The following INTS15 variants were observed in gnomAD, a reference collection of about 807,000 sequenced individuals.
INTS15 encodes the protein integrator complex subunit 15.
the INTS15 span, among the ~76,000 whole-genome samples, chr7:6,596,242 G>C: frequency 6.6e-6 from 1 of 151,956 alleles, no homozygotes; most frequent in African/African-American, 2.4e-5. Flanking sequence ...TTTTAGTAGA[G>C]ATGGGGTTTC....
chr7:6,590,625 C>T, the INTS15 span: 4 of 1,383,262 alleles, frequency 2.9e-6, no homozygotes, highest in Middle Eastern at 2.6e-4. Context: ...AGCCCCCAAA[C>T]CCTTCTCCGG....
chr7:6,590,795 C>A, the INTS15 span, among the ~76,000 whole-genome samples: 1 of 152,074 alleles, frequency 6.6e-6, no homozygotes, highest in South Asian at 2.1e-4. Flanking sequence ...GTATAATGAT[C>A]TGTATGGCTT....
chr7:6,596,359 T>G, the INTS15 span, among the ~76,000 whole-genome samples: 6 of 149,960 alleles, frequency 4.0e-5, no homozygotes, highest in Admixed American at 2.7e-4. Flanking sequence ...CAGCCGAGCC[T>G]TCTTTTATCT....
chr7:6,602,609 A>G, the INTS15 span: 3 of 459,350 alleles, frequency 6.5e-6, no homozygotes, highest in Non-Finnish European at 9.2e-6. Context: ...ACCTGTCTCT[A>G]TGCCTCAGCT....
chr7:6,597,398 G>A, the INTS15 span, among the ~76,000 whole-genome samples: 10 of 152,052 alleles, frequency 6.6e-5, no homozygotes, highest in East Asian at 1.4e-3. Context: ...AGGTTTAAGC[G>A]AGTCTCCTGC....
the INTS15 span, chr7:6,608,098 G>GGCCCCCCCCCCCCCCCCCC: frequency 5.3e-6 from 7 of 1,311,294 alleles, no homozygotes; most frequent in Non-Finnish European, 7.1e-6. Context: ...ACCCCGCCCT[G>GGCCCCCCCCCCCCCCCCCC]CCCACGCATC....
the INTS15 span, among the ~76,000 whole-genome samples, chr7:6,596,775 T>A: frequency 6.6e-6 from 1 of 151,844 alleles, no homozygotes; most frequent in Non-Finnish European, 1.5e-5. Context: ...TACGCTAATT[T>A]CTTTCTTTCT....
At chr7:6,601,367 C>T in the INTS15 span, among the ~76,000 whole-genome samples, 1 of 151,840 alleles carries the variant, frequency 6.6e-6, no homozygotes, top group Admixed American at 6.6e-5. Context: ...GCGATCTCGG[C>T]TCATTGCAAC....
chr7:6,608,439 T>G, the INTS15 span: 6 of 1,311,676 alleles, frequency 4.6e-6, no homozygotes, highest in East Asian at 1.4e-4. Context: ...CTCTGCGCAT[T>G]TCAGACACAG....
chr7:6,600,226 A>G, the INTS15 span: 63 of 1,614,040 alleles, frequency 3.9e-5, no homozygotes, highest in Middle Eastern at 1.6e-4. Flanking sequence ...TCCCGCTGGT[A>G]GAGGAGATCA....
the INTS15 span, among the ~76,000 whole-genome samples, chr7:6,597,836 C>T: frequency 3.3e-5 from 5 of 152,316 alleles, no homozygotes; most frequent in African/African-American, 7.2e-5. Flanking sequence ...TGACTGAAAC[C>T]GCTGTTGGGC....
the INTS15 span, among the ~76,000 whole-genome samples, chr7:6,601,147 T>G: frequency 6.6e-6 from 1 of 152,054 alleles, no homozygotes. Context: ...TTTAAAAAGA[T>G]TTTTGTAGAG....
the INTS15 span, chr7:6,608,526 A>T: frequency 8.8e-7 from 1 of 1,136,848 alleles, no homozygotes; most frequent in South Asian, 2.1e-5. Flanking sequence ...CGTGAAGACG[A>T]TGTGTCCCCG....
chr7:6,598,485 A>AAC, the INTS15 span, among the ~76,000 whole-genome samples: 2 of 148,904 alleles, frequency 1.3e-5, no homozygotes, highest in South Asian at 2.1e-4. Flanking sequence ...AAAAAAAAAA[A>AAC]GGCACACAGG....
chr7:6,593,687 C>G, the INTS15 span, among the ~76,000 whole-genome samples: 1 of 141,252 alleles, frequency 7.1e-6, no homozygotes, highest in Non-Finnish European at 1.5e-5. Flanking sequence ...TGCTCTGTTG[C>G]TCATGCTGGA....
At chr7:6,605,729 C>T in the INTS15 span, among the ~76,000 whole-genome samples, 5 of 152,110 alleles carry the variant, frequency 3.3e-5, no homozygotes, top group Admixed American at 2.6e-4. Context: ...GACAGAGTCT[C>T]GCTCTGTCAC....
At chr7:6,596,201 G>A in the INTS15 span, among the ~76,000 whole-genome samples, 14 of 151,760 alleles carry the variant, frequency 9.2e-5, 1 homozygote, top group African/African-American at 2.4e-4. Context: ...GACTACAGGC[G>A]CGCACCACCA....
the INTS15 span, chr7:6,602,621 A>G: frequency 4.3e-6 from 2 of 465,748 alleles, no homozygotes; most frequent in Non-Finnish European, 9.0e-6. Context: ...GCCTCAGCTT[A>G]CCCCGTTGTA....
At chr7:6,594,336 G>C in the INTS15 span, 1 of 1,213,646 alleles carries the variant, frequency 8.2e-7, no homozygotes, top group Non-Finnish European at 1.2e-6. Flanking sequence ...TCTTGGAAGT[G>C]GTTCTGCCAT....
Sources: allele counts gnomAD v4.1 joint callset (sites outside exome capture counted in the v4.1 genomes callset), GRCh38; gene constraint gnomAD v4.1.1; transcripts MANE v1.5; gene names NCBI Gene and HGNC (gene_info 2026-07-23, HGNC 2026-07-21).